Variants in SPHKAP observed in about 807,000 individuals in gnomAD.
SPHKAP encodes A-kinase anchor protein SPHKAP.
Under a neutral mutation model 137.5 loss-of-function variants are expected in SPHKAP, and 67 were observed. The ratio of observed to expected loss-of-function variants is 0.49; its 90% CI spans 0.40 to 0.60. The LOEUF (loss-of-function observed/expected upper bound fraction) is 0.60. Ranked by LOEUF, SPHKAP falls within the 20% of genes least tolerant of loss-of-function variation. The pLI, the probability that SPHKAP is intolerant of heterozygous loss-of-function variation, is 0.00. For missense variants in SPHKAP, 2,097 were observed against 2,069.3 expected, an observed-to-expected ratio of 1.01 and a Z score of -0.26; for synonymous variants, 813 against 785.3, an observed-to-expected ratio of 1.04 and a Z score of -0.59.
At chr2:228,177,143 C>T (rs1414215734) in intron 1 of SPHKAP, among the ~76,000 whole-genome samples, 2 of 151,678 alleles carry the variant, frequency 1.3e-5, no homozygotes, top group Non-Finnish European at 2.9e-5. Flanking sequence ...GAGCAAGGGC[C>T]CATAAAACTT....
chr2:227,988,667 A>G (rs894226026), intron 11 of SPHKAP, among the ~76,000 whole-genome samples: 3 of 152,174 alleles, frequency 2.0e-5, no homozygotes, highest in Non-Finnish European at 4.4e-5. Context: ...GTGGCAGGAG[A>G]TAGAGTTGGA....
intron 7 of SPHKAP, among the ~76,000 whole-genome samples, chr2:228,011,410 A>T (rs565674190): frequency 2.0e-5 from 3 of 152,318 alleles, no homozygotes; most frequent in African/African-American, 7.2e-5. Flanking sequence ...TTTTTAGGCT[A>T]CAGAGACTGG....
chr2:227,988,601 T>C (rs1231648957), intron 11 of SPHKAP, among the ~76,000 whole-genome samples: 1 of 152,186 alleles, frequency 6.6e-6, no homozygotes, highest in Non-Finnish European at 1.5e-5. Context: ...TGTACAAACA[T>C]CTATTCCATT....
chr2:228,027,389 A>T, intron 4 of SPHKAP, 95 bp downstream of exon 4: 2 of 1,273,290 alleles, frequency 1.6e-6, no homozygotes, highest in Non-Finnish European at 2.3e-6. Flanking sequence ...TATCTAACTA[A>T]AGAGTCTCCT....
intron 3 of SPHKAP, among the ~76,000 whole-genome samples, chr2:228,090,634 G>A (rs557337080): frequency 6.6e-6 from 1 of 152,320 alleles, no homozygotes; most frequent in East Asian, 1.9e-4. Context: ...GAGGTAGAGT[G>A]TTGTGGGAGG....
chr2:228,037,250 T>C (rs997695420), intron 3 of SPHKAP, among the ~76,000 whole-genome samples: 3 of 152,138 alleles, frequency 2.0e-5, no homozygotes. Context: ...TTCAATGCTG[T>C]ACTATCAAAT....
chr2:228,016,551 G>C lies in SPHKAP; in HGVS notation c.4303C>G (p.Gln1435Glu). Residue 1435 changes from glutamine (Q) to glutamate (E), a missense_variant, in exon 7 of 12, where the codon CAG becomes GAG. Physicochemically the swap from Gln to Glu is conservative, Grantham distance 29. Transcript: ENST00000392056. ...GGTTCCCCAGCACAGGCTTCTCTCT[G>C]ATCTGTTTCAATCTGAATCAAAGGC... ...EVPLIQIETD[Q>E]REACAGEPEP... 6.2e-7 allele frequency: 1 copy of C among 1,614,074 alleles called. No homozygotes were observed. The highest frequency in any genetic ancestry group is 8.5e-7 in the Non-Finnish European group (1 of 1,180,016).
chr2:228,125,110 C>T (rs1699031924), intron 2 of SPHKAP, among the ~76,000 whole-genome samples: 1 of 152,170 alleles, frequency 6.6e-6, no homozygotes, highest in Non-Finnish European at 1.5e-5. Context: ...ATTTAATTAA[C>T]ATGACATGAA....
At chr2:228,163,023 C>T (rs1415006509) in intron 1 of SPHKAP, among the ~76,000 whole-genome samples, 1 of 152,126 alleles carries the variant, frequency 6.6e-6, no homozygotes, top group Non-Finnish European at 1.5e-5. Flanking sequence ...AAGCCAGTAC[C>T]ATGAGGAGGT....
chr2:228,175,461 G>A (rs181948635), intron 1 of SPHKAP, among the ~76,000 whole-genome samples: 1 of 152,272 alleles, frequency 6.6e-6, no homozygotes, highest in East Asian at 1.9e-4. Flanking sequence ...TGGATGTGAA[G>A]TGGTATGTTA....
intron 9 of SPHKAP, 98 bp from the exon 10 acceptor site, chr2:227,991,424 G>C: frequency 6.3e-7 from 1 of 1,597,478 alleles, no homozygotes; most frequent in Non-Finnish European, 8.5e-7. Flanking sequence ...AAAAGCTTCT[G>C]AAGTTCATTC....
In SPHKAP at chr2:228,075,064, G is replaced by GGCCAGGC. The variant is rs1574826334; in HGVS notation, c.246+33767_246+33768insGCCTGGC. ...TTGGTTCTGAAAGGGCAGAGGGTAT[G>GGCCAGGC]TTTAGCTTAGTCACCATGGTAGCTC... On this transcript the variant is annotated intron_variant, in intron 3 of 11. Coordinates refer to ENST00000392056, the MANE Select transcript of SPHKAP (RefSeq NM_001142644.2). Among the ~76,000 whole-genome samples, 7 of 152,270 alleles carry GGCCAGGC rather than the reference G, an allele frequency of 4.6e-5. No homozygotes were observed. The East Asian group carries it at 1.4e-3, about 29-fold the overall frequency.
intron 7 of SPHKAP, among the ~76,000 whole-genome samples, chr2:228,003,562 C>T (rs1470266038): frequency 1.3e-5 from 2 of 152,142 alleles, no homozygotes; most frequent in Non-Finnish European, 2.9e-5. Flanking sequence ...ATTTCTTTCC[C>T]CTGCCCGATT....
intron 3 of SPHKAP, among the ~76,000 whole-genome samples, chr2:228,077,195 G>T (rs540579154): frequency 2.0e-5 from 3 of 152,312 alleles, no homozygotes; most frequent in African/African-American, 7.2e-5. Flanking sequence ...GAGAACCTCT[G>T]CTAGGGCAGT....
chr2:228,085,242 T>C (rs1271216581), intron 3 of SPHKAP, among the ~76,000 whole-genome samples: 1 of 152,256 alleles, frequency 6.6e-6, no homozygotes, highest in Non-Finnish European at 1.5e-5. Context: ...ATATCACTGT[T>C]AACTTTAATG....
At chr2:228,095,494 A>G (rs1385979673) in intron 3 of SPHKAP, among the ~76,000 whole-genome samples, 1 of 152,150 alleles carries the variant, frequency 6.6e-6, no homozygotes, top group Non-Finnish European at 1.5e-5. Flanking sequence ...TAATTTTCAG[A>G]AGCTGTGTGG....
intron 1 of SPHKAP, among the ~76,000 whole-genome samples, chr2:228,143,785 C>G (rs1320601271): frequency 6.6e-6 from 1 of 150,640 alleles, no homozygotes; most frequent in Non-Finnish European, 1.5e-5. Context: ...GGATTACAAG[C>G]GTGAGCCACC....
At chr2:228,098,314 T>TA (rs1253490288) in intron 3 of SPHKAP, among the ~76,000 whole-genome samples, 1 of 152,166 alleles carries the variant, frequency 6.6e-6, no homozygotes, top group African/African-American at 2.4e-5. Context: ...CATGCACACA[T>TA]ATGTTTATTG....
chr2:228,067,830 A>G (rs142389811), intron 3 of SPHKAP, among the ~76,000 whole-genome samples: 2 of 152,336 alleles, frequency 1.3e-5, no homozygotes, highest in Admixed American at 1.3e-4. Context: ...GTGGGTCCCT[A>G]TCACGTATTC....
Sources: allele counts gnomAD v4.1 joint callset (sites outside exome capture counted in the v4.1 genomes callset), GRCh38; gene constraint gnomAD v4.1.1; transcripts MANE v1.5; gene names NCBI Gene and HGNC (gene_info 2026-07-23, HGNC 2026-07-21).